B3GAT2: variants seen among roughly 807,000 people sequenced by gnomAD.
The protein encoded by B3GAT2 is beta-1,3-glucuronyltransferase 2.
Under a neutral mutation model 27.8 loss-of-function variants are expected in B3GAT2, and 26 were observed. The ratio of observed to expected loss-of-function variants is 0.93; its 90% CI spans 0.68 to 1.30. The LOEUF (loss-of-function observed/expected upper bound fraction) is 1.30, where lower values mean the gene tolerates loss of function less well. B3GAT2 is among the 50% of genes most tolerant of loss of function. The pLI, the probability that B3GAT2 is intolerant of heterozygous loss-of-function variation, is 0.00. For synonymous variants in B3GAT2, 218 were observed against 195.1 expected, an observed-to-expected ratio of 1.12 and a Z score of -0.98; for missense variants, 458 against 459.0, an observed-to-expected ratio of 1.00 and a Z score of 0.02.
At chr6:70,868,199 A>T (rs1323695463) in intron 2 of B3GAT2, among the ~76,000 whole-genome samples, 2 of 152,218 alleles carry the variant, frequency 1.3e-5, no homozygotes, top group Non-Finnish European at 2.9e-5. Flanking sequence ...TAATGCCAAC[A>T]TTATACTTAA....
intron 2 of B3GAT2, among the ~76,000 whole-genome samples, chr6:70,880,815 AC>A (rs1772089216): frequency 6.6e-6 from 1 of 151,958 alleles, no homozygotes; most frequent in Non-Finnish European, 1.5e-5. Context: ...ACAGGCGTGC[AC>A]CACCATGCCC....
At chr6:70,872,668 T>C (rs1273196787) in intron 2 of B3GAT2, among the ~76,000 whole-genome samples, 1 of 152,012 alleles carries the variant, frequency 6.6e-6, no homozygotes, top group Non-Finnish European at 1.5e-5. Flanking sequence ...ATTGGGTTTT[T>C]TATCCAGTTA....
At chr6:70,952,583 G>T (rs7749568) in intron 1 of B3GAT2, among the ~76,000 whole-genome samples, 108,507 of 151,984 alleles carry the variant, frequency 0.71, 39,047 homozygotes, top group Middle Eastern at 0.77. Flanking sequence ...TCCAGAGAGG[G>T]AGATGGATAG....
At position 70,860,321 on chromosome 6, in the gene B3GAT2, A is replaced by G. The variant is rs774589053; in HGVS notation, c.*1342T>C. On this transcript the variant is annotated 3_prime_UTR_variant, in exon 4 of 4. Transcript: ENST00000230053. ...TCATCAGGTCAGACTCTCAGCACAC[A>G]ACTGTGGAAATGAAAACTGCAATAC... 1.2e-6 allele frequency: 2 copies of G among 1,607,582 alleles called. No homozygotes were observed. Among genetic ancestry groups the G allele is most frequent in the Non-Finnish European group, 1.7e-6 (2 of 1,178,284 alleles).
At chr6:70,911,631 C>CT (rs1450798368) in intron 1 of B3GAT2, among the ~76,000 whole-genome samples, 2 of 152,214 alleles carry the variant, frequency 1.3e-5, no homozygotes, top group African/African-American at 4.8e-5. Flanking sequence ...TATTCAGGCT[C>CT]TTTTTTGGTT....
chr6:70,891,675 C>T (rs909814346), intron 2 of B3GAT2, among the ~76,000 whole-genome samples: 3 of 152,078 alleles, frequency 2.0e-5, no homozygotes, highest in Admixed American at 6.6e-5. Context: ...GCAAGACAGA[C>T]CCAGGCTCCA....
At chr6:70,873,771 C>T (rs933595719) in intron 2 of B3GAT2, among the ~76,000 whole-genome samples, 4 of 151,962 alleles carry the variant, frequency 2.6e-5, no homozygotes, top group Non-Finnish European at 4.4e-5. Flanking sequence ...TGGATCATAT[C>T]AATTTATCTA....
Position 70,885,342 on chromosome 6 carries a change from G to A in B3GAT2, c.736+8786C>T, listed in dbSNP as rs145252494. 6.3e-3 allele frequency among the ~76,000 whole-genome samples: 957 copies of A among 152,182 alleles called. 11 individuals carry two copies. Among genetic ancestry groups the A allele is most frequent in the African/African-American group, 0.022 (911 of 41,526 alleles). ...CCTTGCAAATCTCAATGTTACAAAT[G>A]GCATTTTCTTCTGAAAGCTCAAGTG... On this transcript the variant is annotated intron_variant, in intron 2 of 3. Coordinates refer to ENST00000230053, the MANE Select transcript of B3GAT2 (RefSeq NM_080742.3).
chr6:70,919,036 C>G (rs189614520), intron 1 of B3GAT2, among the ~76,000 whole-genome samples: 94 of 152,308 alleles, frequency 6.2e-4, no homozygotes, highest in African/African-American at 2.1e-3. Flanking sequence ...GTACACCAAT[C>G]AAACGTAGAT....
chr6:70,890,551 A>G (rs1772270979), intron 2 of B3GAT2, among the ~76,000 whole-genome samples: 2 of 152,222 alleles, frequency 1.3e-5, no homozygotes, highest in Non-Finnish European at 2.9e-5. Flanking sequence ...GATAATTTGT[A>G]TAATTACAGC....
chr6:70,919,646 G>A (rs1772832900), intron 1 of B3GAT2, among the ~76,000 whole-genome samples: 1 of 152,164 alleles, frequency 6.6e-6, no homozygotes, highest in South Asian at 2.1e-4. Context: ...CCTTCTAACA[G>A]ACAGTCCCCT....
intron 1 of B3GAT2, among the ~76,000 whole-genome samples, chr6:70,903,420 A>T (rs1174217821): frequency 2.0e-5 from 3 of 152,138 alleles, no homozygotes; most frequent in Non-Finnish European, 4.4e-5. Context: ...GAAAATTTTT[A>T]AAGTAATCTG....
chr6:70,907,511 T>C (rs1562225525), intron 1 of B3GAT2, among the ~76,000 whole-genome samples: 1 of 152,214 alleles, frequency 6.6e-6, no homozygotes, highest in Non-Finnish European at 1.5e-5. Flanking sequence ...CTTCCTGTTA[T>C]GGAATGTGGC....
chr6:70,955,699 A>G, intron 1 of B3GAT2, 140 bp downstream of exon 1: 7 of 1,048,342 alleles, frequency 6.7e-6, no homozygotes, highest in Non-Finnish European at 7.9e-6. Context: ...GAGCGGCTCC[A>G]CTCGGTGCCC....
At position 70,952,255 on chromosome 6, in the gene B3GAT2, T is replaced by C. The variant is rs73489548; in HGVS notation, c.591+3584A>G. On this transcript the variant is annotated intron_variant, in intron 1 of 3. Coordinates refer to ENST00000230053, the MANE Select transcript of B3GAT2 (RefSeq NM_080742.3). ...ATGCAATCTCAGTCACTGACTCCTT[T>C]GATAACCCCTTAAGTGTCTGAGAGC... Among the ~76,000 whole-genome samples, 211 of 152,310 alleles carry C rather than the reference T, an allele frequency of 1.4e-3. 1 individual carries two copies. The highest frequency in any genetic ancestry group is 4.9e-3 in the African/African-American group (204 of 41,572).
chr6:70,859,102 A>C lies in B3GAT2; in HGVS notation c.*2561T>G. ...GTTTTACCTTTAGAGCATTCAGGGA[A>C]TAGTCTAGAGTGATTTCTAACATTA... On this transcript the variant is annotated 3_prime_UTR_variant, in exon 4 of 4. Transcript: ENST00000230053. The C allele has an allele frequency of 2.8e-6, 1 of 351,976 alleles. No homozygotes were observed. The highest frequency in any genetic ancestry group is 5.1e-6 in the Non-Finnish European group (1 of 194,368). 21.8% of individuals were successfully genotyped at this position (351,976 alleles called of 1,614,324 possible). A position where few individuals can be genotyped will look rare whatever the true frequency, so the allele number is the denominator to read the frequency against.
chr6:70,902,560 C>T (rs573796240), intron 1 of B3GAT2, among the ~76,000 whole-genome samples: 1 of 147,038 alleles, frequency 6.8e-6, no homozygotes, highest in African/African-American at 2.5e-5. Context: ...TTCACAATAG[C>T]CAAGATACAA....
At chr6:70,911,228 T>C (rs1359139052) in intron 1 of B3GAT2, among the ~76,000 whole-genome samples, 1 of 152,206 alleles carries the variant, frequency 6.6e-6, no homozygotes, top group Non-Finnish European at 1.5e-5. Flanking sequence ...CATGAAATCT[T>C]TGCCAGGGAC....
intron 1 of B3GAT2, among the ~76,000 whole-genome samples, chr6:70,900,053 G>T (rs1772470888): frequency 6.6e-6 from 1 of 152,164 alleles, no homozygotes; most frequent in Admixed American, 6.5e-5. Context: ...ATTTATAGGA[G>T]TTATAATATT....
Sources: allele counts gnomAD v4.1 joint callset (sites outside exome capture counted in the v4.1 genomes callset), GRCh38; gene constraint gnomAD v4.1.1; transcripts MANE v1.5; gene names NCBI Gene and HGNC (gene_info 2026-07-23, HGNC 2026-07-21).